Variants in CSMD3 observed in about 807,000 individuals in gnomAD.
CSMD3 encodes the protein CUB and sushi domain-containing protein 3.
Under a neutral mutation model 435.2 loss-of-function variants are expected in CSMD3, and 177 were observed. The observed-to-expected ratio is 0.41, with a 90% CI of 0.36 to 0.46. The LOEUF is 0.46. CSMD3 is among the 20% of genes least tolerant of loss of function. The probability of loss-of-function intolerance (pLI) is 0.34; values close to 1 mark genes in which losing one functional copy is unlikely to be tolerated. For synonymous variants in CSMD3, 1,656 were observed against 1,520.5 expected (o/e 1.09, Z -2.07); for missense variants, 4,265 against 4,504.6 (o/e 0.95, Z 1.52).
At chr8:113,240,363 G>T (rs191473722) in intron 3 of CSMD3, among the ~76,000 whole-genome samples, 4 of 152,186 alleles carry the variant, frequency 2.6e-5, no homozygotes, top group Admixed American at 2.6e-4. Flanking sequence ...TTTCCTTTGG[G>T]TATATACCCA....
chr8:112,997,321 T>G (rs1011226180), intron 6 of CSMD3, among the ~76,000 whole-genome samples: 1 of 151,704 alleles, frequency 6.6e-6, no homozygotes, highest in Non-Finnish European at 1.5e-5. Flanking sequence ...TTCTAAATTA[T>G]GTATTCTTGA....
At chr8:112,961,314 T>C (rs2084220335) in intron 7 of CSMD3, among the ~76,000 whole-genome samples, 1 of 151,844 alleles carries the variant, frequency 6.6e-6, no homozygotes, top group Admixed American at 6.6e-5. Context: ...AAATTTTACT[T>C]TTCTATTTAA....
chr8:112,913,640 A>C (rs1186021166), intron 10 of CSMD3, among the ~76,000 whole-genome samples: 2 of 150,642 alleles, frequency 1.3e-5, no homozygotes, highest in African/African-American at 2.4e-5. Context: ...GCTCCTCCAC[A>C]TTTCACTCAC....
chr8:113,331,293 TAAA>T (rs547827619), intron 1 of CSMD3, among the ~76,000 whole-genome samples: 1 of 146,070 alleles, frequency 6.8e-6, no homozygotes, highest in Non-Finnish European at 1.5e-5. Flanking sequence ...AATGTGTGAC[TAAA>T]AAAAAAAATT....
chr8:113,072,479 T>C (rs1424876744), intron 5 of CSMD3, among the ~76,000 whole-genome samples: 1 of 151,682 alleles, frequency 6.6e-6, no homozygotes, highest in East Asian at 1.9e-4. Context: ...TTCTTCTATA[T>C]CTGTTTTGTT....
At chr8:113,161,898 C>T (rs996094697) in intron 4 of CSMD3, among the ~76,000 whole-genome samples, 3 of 152,010 alleles carry the variant, frequency 2.0e-5, no homozygotes, top group Non-Finnish European at 4.4e-5. Flanking sequence ...TGTTACTTTA[C>T]CAAAATTATT....
chr8:113,164,691 C>A (rs1475351244), intron 4 of CSMD3, among the ~76,000 whole-genome samples: 1 of 151,952 alleles, frequency 6.6e-6, no homozygotes, highest in Non-Finnish European at 1.5e-5. Context: ...TATGAAAGAA[C>A]TTTCATCACT....
intron 54 of CSMD3, among the ~76,000 whole-genome samples, chr8:112,295,320 G>A (rs1820157078): frequency 6.6e-6 from 1 of 152,076 alleles, no homozygotes; most frequent in African/African-American, 2.4e-5. Flanking sequence ...GACCTGAAAT[G>A]AGAGCAAAGG....
At chr8:112,744,084 G>T (rs762059507) in intron 13 of CSMD3, among the ~76,000 whole-genome samples, 1 of 151,890 alleles carries the variant, frequency 6.6e-6, no homozygotes, top group Non-Finnish European at 1.5e-5. Context: ...GAACTAAAAA[G>T]GAATGAACAT....
intron 38 of CSMD3, among the ~76,000 whole-genome samples, chr8:112,359,266 T>C (rs557912080): frequency 2.0e-5 from 3 of 152,206 alleles, no homozygotes; most frequent in African/African-American, 4.8e-5. Context: ...ATGCTTTATA[T>C]GTATTCCTTC....
At chr8:113,109,211 T>G (rs1588088919) in intron 4 of CSMD3, among the ~76,000 whole-genome samples, 1 of 152,252 alleles carries the variant, frequency 6.6e-6, no homozygotes, top group African/African-American at 2.4e-5. Context: ...TTTCCAATTC[T>G]GGCCCTGAAA....
chr8:113,199,356 C>T (rs2092693426), intron 3 of CSMD3, among the ~76,000 whole-genome samples: 1 of 151,464 alleles, frequency 6.6e-6, no homozygotes, highest in Non-Finnish European at 1.5e-5. Flanking sequence ...ATTGAAACAG[C>T]CTTTATTCAT....
chr8:112,602,954 T>C (rs967015665), intron 22 of CSMD3, among the ~76,000 whole-genome samples: 1 of 152,124 alleles, frequency 6.6e-6, no homozygotes. Flanking sequence ...TGCTCTGTCA[T>C]ACAGGCTGGA....
At chr8:112,333,162 T>C (rs908143040) in intron 45 of CSMD3, among the ~76,000 whole-genome samples, 6 of 152,042 alleles carry the variant, frequency 3.9e-5, no homozygotes, top group Non-Finnish European at 8.8e-5. Context: ...TTATTTTTAT[T>C]GATTGATTGA....
In CSMD3 at chr8:112,240,428, T is replaced by C. The variant is rs577687778; in HGVS notation, c.10468+1292A>G. Reference sequence around the variant, plus strand: ...GCAAACAAACTCTGCCTTACTTTTATGTATTCTTTGATTGCCTCAATGGCA... The same window carrying C: ...GCAAACAAACTCTGCCTTACTTTTACGTATTCTTTGATTGCCTCAATGGCA... On this transcript the variant is annotated intron_variant, in intron 66 of 70. Transcript: ENST00000297405. 3.3e-5 allele frequency among the ~76,000 whole-genome samples: 5 copies of C among 151,016 alleles called. No individual in the cohort carries two copies. The South Asian group carries it at 6.3e-4, about 19-fold the overall frequency.
chr8:113,236,650 C>T (rs2093153826), intron 3 of CSMD3, among the ~76,000 whole-genome samples: 1 of 152,092 alleles, frequency 6.6e-6, no homozygotes, highest in East Asian at 1.9e-4. Flanking sequence ...CCTCTGGCCT[C>T]AGACTGAGAA....
intron 65 of CSMD3, among the ~76,000 whole-genome samples, chr8:112,244,192 T>C (rs1435187378): frequency 6.6e-6 from 1 of 152,078 alleles, no homozygotes; most frequent in Non-Finnish European, 1.5e-5. Flanking sequence ...AGAAGTAACA[T>C]TCTCATGGGA....
chr8:113,014,604 A>G (rs193133422), intron 6 of CSMD3, among the ~76,000 whole-genome samples: 132 of 152,260 alleles, frequency 8.7e-4, no homozygotes, highest in Admixed American at 3.9e-3. Flanking sequence ...TTTTCAGGGT[A>G]TCTTGTAAGC....
At chr8:113,188,029 T>C (rs945162600) in intron 3 of CSMD3, among the ~76,000 whole-genome samples, 1 of 152,046 alleles carries the variant, frequency 6.6e-6, no homozygotes, top group Non-Finnish European at 1.5e-5. Flanking sequence ...GATATTTCCA[T>C]TCTTCAAGAT....
Sources: allele counts gnomAD v4.1 joint callset (sites outside exome capture counted in the v4.1 genomes callset), GRCh38; gene constraint gnomAD v4.1.1; transcripts MANE v1.5; gene names NCBI Gene and HGNC (gene_info 2026-07-23, HGNC 2026-07-21).